WDR70: variants seen among roughly 807,000 people sequenced by gnomAD.
The protein encoded by WDR70 is WD repeat domain 70.
Under a neutral mutation model 88.6 loss-of-function variants are expected in WDR70, and 53 were observed. The ratio of observed to expected loss-of-function variants is 0.60; its 90% CI spans 0.48 to 0.75. WDR70 has a LOEUF of 0.75. Ranked by LOEUF, WDR70 falls within the 30% of genes least tolerant of loss-of-function variation. The pLI, the probability that WDR70 is intolerant of heterozygous loss-of-function variation, is 0.00. For missense variants in WDR70, 610 were observed against 823.2 expected (o/e 0.74, Z 3.17); for synonymous variants, 280 against 270.0 (o/e 1.04, Z -0.36).
intron 17 of WDR70, among the ~76,000 whole-genome samples, chr5:37,746,408 A>T (rs1748639273): frequency 6.6e-6 from 1 of 152,140 alleles, no homozygotes; most frequent in South Asian, 2.1e-4. Context: ...CTAGCAGAAG[A>T]CAAGAAATAA....
rs909124634 is a variant in WDR70 at position 37,608,320 on chromosome 5, G to A, written c.1092+3082G>A. Among the ~76,000 whole-genome samples the A allele has an allele frequency of 5.9e-5, 9 of 152,104 alleles. No homozygotes were observed. The East Asian group carries it at 7.8e-4, about 13-fold the overall frequency. On this transcript the variant is annotated intron_variant, in intron 10 of 17. Coordinates refer to ENST00000265107, the MANE Select transcript of WDR70 (RefSeq NM_018034.4). Reference sequence around the variant, plus strand: ...CTCCCAAAGTGCTAGGATTACAGGCGTGAGCCACCACGCCTGGCCATTCTG... The same window carrying A: ...CTCCCAAAGTGCTAGGATTACAGGCATGAGCCACCACGCCTGGCCATTCTG...
intron 7 of WDR70, among the ~76,000 whole-genome samples, chr5:37,465,631 C>A (rs1208168442): frequency 7.8e-5 from 11 of 141,824 alleles, no homozygotes; most frequent in South Asian, 2.3e-4. Flanking sequence ...CCTTTATATT[C>A]TGTGTCCAAA....
chr5:37,665,574 G>A (rs1745816141), intron 10 of WDR70, among the ~76,000 whole-genome samples: 1 of 152,204 alleles, frequency 6.6e-6, no homozygotes, highest in Non-Finnish European at 1.5e-5. Flanking sequence ...TCTCTAAGAA[G>A]TGTGAACTCA....
chr5:37,455,019 A>G (rs1054910987), intron 7 of WDR70, among the ~76,000 whole-genome samples: 10 of 152,212 alleles, frequency 6.6e-5, no homozygotes. Flanking sequence ...TATAAAGTGC[A>G]TGGCACAGTG....
chr5:37,394,091 G>A (rs982852154), intron 4 of WDR70, among the ~76,000 whole-genome samples: 2 of 152,094 alleles, frequency 1.3e-5, no homozygotes, highest in Admixed American at 6.6e-5. Context: ...TGGATCACGA[G>A]GTCAGGAGTT....
chr5:37,628,385 C>T (rs1744725124), intron 10 of WDR70, among the ~76,000 whole-genome samples: 1 of 152,162 alleles, frequency 6.6e-6, no homozygotes, highest in Non-Finnish European at 1.5e-5. Context: ...CTTTATATAT[C>T]TGGGTGCTCC....
At chr5:37,622,531 G>C (rs1744538592) in intron 10 of WDR70, among the ~76,000 whole-genome samples, 3 of 152,146 alleles carry the variant, frequency 2.0e-5, no homozygotes, top group Admixed American at 2.0e-4. Flanking sequence ...AGAAAATGTG[G>C]CACATATACA....
At chr5:37,585,528 T>C (rs1025984972) in intron 9 of WDR70, among the ~76,000 whole-genome samples, 2 of 152,194 alleles carry the variant, frequency 1.3e-5, no homozygotes, top group Non-Finnish European at 2.9e-5. Flanking sequence ...GACTTCTTCC[T>C]TTTCACTTCC....
At chr5:37,439,267 A>G (rs1447056935) in intron 6 of WDR70, among the ~76,000 whole-genome samples, 1 of 152,098 alleles carries the variant, frequency 6.6e-6, no homozygotes, top group Admixed American at 6.6e-5. Context: ...AAATGAAACT[A>G]TGTGGGAATT....
intron 10 of WDR70, among the ~76,000 whole-genome samples, chr5:37,646,633 A>G (rs1160024867): frequency 1.3e-5 from 2 of 152,148 alleles, no homozygotes; most frequent in Non-Finnish European, 1.5e-5. Flanking sequence ...TTCACTGTCC[A>G]TACTATTCTA....
At chr5:37,387,852 T>C (rs1482051254) in intron 3 of WDR70, among the ~76,000 whole-genome samples, 1 of 152,182 alleles carries the variant, frequency 6.6e-6, no homozygotes, top group Non-Finnish European at 1.5e-5. Context: ...ATTATTTATC[T>C]CATGCTTGGT....
At chr5:37,514,637 A>G (rs962526142) in intron 8 of WDR70, among the ~76,000 whole-genome samples, 3 of 151,874 alleles carry the variant, frequency 2.0e-5, no homozygotes, top group African/African-American at 7.3e-5. Flanking sequence ...TATAAGTGAG[A>G]ACATGCAGTG....
intron 17 of WDR70, among the ~76,000 whole-genome samples, chr5:37,748,286 A>C (rs1392447190): frequency 6.6e-6 from 1 of 152,028 alleles, no homozygotes; most frequent in Admixed American, 6.6e-5. Flanking sequence ...CCAATGAAGC[A>C]GAACAGAGTC....
rs190427032 is a variant in WDR70, at chr5:37,472,389, T to C, written c.687-7445T>C. Among the ~76,000 whole-genome samples the C allele has an allele frequency of 2.3e-3, 351 of 152,188 alleles. 5 individuals carry two copies. The highest frequency in any genetic ancestry group is 8.2e-3 in the African/African-American group (340 of 41,436). On this transcript the variant is annotated intron_variant, in intron 7 of 17. Coordinates refer to ENST00000265107, the MANE Select transcript of WDR70 (RefSeq NM_018034.4). ...AATTGGGATTATATAATATATAGTA[T>C]GTTTCTTTTTTGTTTTACTCAATAA...
At chr5:37,565,647 A>T (rs2112391703) in intron 9 of WDR70, among the ~76,000 whole-genome samples, 1 of 152,248 alleles carries the variant, frequency 6.6e-6, no homozygotes, top group South Asian at 2.1e-4. Flanking sequence ...TTCCCAGGAA[A>T]ACAGGTGTCT....
chr5:37,634,800 C>A (rs1041420953), intron 10 of WDR70, among the ~76,000 whole-genome samples: 6 of 152,120 alleles, frequency 3.9e-5, no homozygotes, highest in African/African-American at 1.4e-4. Flanking sequence ...ACTGGAGACC[C>A]AGGCTACCTG....
chr5:37,642,392 T>C (rs1745127650), intron 10 of WDR70, among the ~76,000 whole-genome samples: 1 of 152,212 alleles, frequency 6.6e-6, no homozygotes, highest in Non-Finnish European at 1.5e-5. Context: ...ACATTACATA[T>C]TTTTAAAATG....
intron 9 of WDR70, among the ~76,000 whole-genome samples, chr5:37,546,067 G>A (rs965924250): frequency 2.6e-5 from 4 of 152,142 alleles, no homozygotes; most frequent in Non-Finnish European, 4.4e-5. Context: ...TACTGGAGGA[G>A]TTAAATGTAT....
At chr5:37,736,616 T>G (rs1246863036) in intron 17 of WDR70, among the ~76,000 whole-genome samples, 6 of 150,864 alleles carry the variant, frequency 4.0e-5, no homozygotes, top group African/African-American at 1.5e-4. Context: ...GTATGTAGTT[T>G]TTTTTTTTTT....
Sources: allele counts gnomAD v4.1 joint callset (sites outside exome capture counted in the v4.1 genomes callset), GRCh38; gene constraint gnomAD v4.1.1; transcripts MANE v1.5; gene names NCBI Gene and HGNC (gene_info 2026-07-23, HGNC 2026-07-21).